Variants in GIPC3 observed in about 807,000 individuals in gnomAD.
GIPC3 encodes the protein GIPC PDZ domain containing family member 3.
GIPC3 carries 16 observed loss-of-function variants against 27.3 expected under a neutral mutation model. The observed-to-expected ratio is 0.59, with a 90% CI of 0.40 to 0.89. GIPC3 has a LOEUF of 0.89. GIPC3 is among the 40% of genes least tolerant of loss of function. The pLI is 0.00. For missense variants in GIPC3, 440 were observed against 442.1 expected (o/e 1.00, Z 0.04); for synonymous variants, 194 against 184.6 (o/e 1.05, Z -0.41).
Position 3,585,565 on chromosome 19 carries a change from A to G in GIPC3, c.-33A>G. The G allele has an allele frequency of 7.0e-6, 8 of 1,142,592 alleles. No individual in the cohort carries two copies. The highest frequency in any genetic ancestry group is 8.6e-6 in the Non-Finnish European group (8 of 931,224). The allele number at this position is 1,142,592 out of a possible 1,614,324, so 70.8% of individuals were successfully genotyped here. On this transcript the variant is annotated 5_prime_UTR_variant, in exon 1 of 6. Transcript: ENST00000644452. ...AGCGGCGGATCCGGCGGCGGCGGCG[A>G]GGGCCCGGGTGGGTGGCCGAACTTC...
In GIPC3 at chr19:3,585,805, G is replaced by C. The variant is rs749231443; in HGVS notation, c.208G>C (p.Gly70Arg). ...ELYAKIAEAF[G>R]IAPTEILFCT... ...GTACGCCAAGATCGCCGAAGCCTTC[G>C]GGATCGCGCCCACCGAGGTAAGGAG... The change falls in exon 1 of 6, where the codon GGG becomes CGG. Residue 70 changes from glycine (G) to arginine (R), a missense_variant. Gly to Arg is a moderately radical substitution (Grantham distance 125). Coordinates refer to ENST00000644452, the MANE Select transcript of GIPC3 (RefSeq NM_133261.3). 6.5e-7 allele frequency: 1 copy of C among 1,546,334 alleles called. No individual in the cohort carries two copies. The highest frequency in any genetic ancestry group is 1.2e-5 in the South Asian group (1 of 83,970).
In GIPC3 at chr19:3,590,919, T is replaced by C. The variant is rs1771705804; in HGVS notation, c.*729T>C. The C allele has an allele frequency of 4.1e-6, 5 of 1,231,896 alleles. No homozygotes were observed. The African/African-American group carries it at 6.3e-5, about 16-fold the overall frequency. The allele number at this position is 1,231,896 out of a possible 1,614,324, so 76.3% of individuals were successfully genotyped here. On this transcript the variant is annotated 3_prime_UTR_variant, in exon 6 of 6. Coordinates refer to ENST00000644452, the MANE Select transcript of GIPC3 (RefSeq NM_133261.3). Reference sequence around the variant, plus strand: ...GATGAGCTCTGAGACCATGCCCAGCTCTAGAACTCAGATGAGCTCTGAGAC... The same window carrying C: ...GATGAGCTCTGAGACCATGCCCAGCCCTAGAACTCAGATGAGCTCTGAGAC...
Position 3,590,976 on chromosome 19 carries a change from A to T in GIPC3, c.*786A>T. On this transcript the variant is annotated 3_prime_UTR_variant, in exon 6 of 6. Transcript: ENST00000644452. ...CAGTATTGAGACCAAGCCCTGTTCT[A>T]GAGTCCAGGCCAGCTCCGAGACCAA... 1 of 1,233,498 alleles carries T rather than the reference A, an allele frequency of 8.1e-7. No homozygotes were observed. Among genetic ancestry groups the T allele is most frequent in the Non-Finnish European group, 1.0e-6 (1 of 989,138 alleles). 76.4% of individuals were successfully genotyped at this position (1,233,498 alleles called of 1,614,324 possible). A position where few individuals can be genotyped will look rare whatever the true frequency, so the allele number is the denominator to read the frequency against.
rs1254970207 is a variant in GIPC3, at chr19:3,585,800, C to G, written c.203C>G (p.Ala68Gly). ...GAGCTGTACGCCAAGATCGCCGAAGCCTTCGGGATCGCGCCCACCGAGGTA... is the reference window on the plus strand; with the variant it reads ...GAGCTGTACGCCAAGATCGCCGAAGGCTTCGGGATCGCGCCCACCGAGGTA... ...VRELYAKIAE[A>G]FGIAPTEILF... The change falls in exon 1 of 6, where the codon GCC becomes GGC. Residue 68 changes from alanine to glycine, a missense_variant. By Grantham distance (60) the Ala-to-Gly change is moderately conservative. Transcript: ENST00000644452. 6.5e-7 allele frequency: 1 copy of G among 1,546,738 alleles called. No individual in the cohort carries two copies.
Position 3,591,451 on chromosome 19 carries a change from TG to T in GIPC3, c.*1263del. ...AAAACTCAAGCTGACTCTGGAACTC[TG>T]GACAGCTCCACGATGCAGCCACACC... is the stretch of plus-strand genomic sequence containing the variant. On this transcript the variant is annotated 3_prime_UTR_variant, in exon 6 of 6. Transcript: ENST00000644452. 1 of 1,232,370 alleles carries T rather than the reference TG, an allele frequency of 8.1e-7. No homozygotes were observed. The highest frequency in any genetic ancestry group is 1.0e-6 in the Non-Finnish European group (1 of 988,236). The allele number at this position is 1,232,370 out of a possible 1,614,324, so 76.3% of individuals were successfully genotyped here.
In GIPC3 at chr19:3,590,363, T is replaced by TGAGGCCAAGCTATGTGCTAGAGCC; in HGVS notation, c.*174_*197dup. The TGAGGCCAAGCTATGTGCTAGAGCC allele has an allele frequency of 6.9e-7, 1 of 1,439,110 alleles. No homozygotes were observed. The highest frequency in any genetic ancestry group is 2.5e-5 in the East Asian group (1 of 40,018). 89.1% of individuals were successfully genotyped at this position (1,439,110 alleles called of 1,614,324 possible). The stretch of plus-strand genomic sequence containing the variant: ...CCTTCTCTAGAATCCAGCCCAGATC[T>TGAGGCCAAGCTATGTGCTAGAGCC]GAGGCCAAGCTATGTGCTAGAGCCC... On this transcript the variant is annotated 3_prime_UTR_variant, in exon 6 of 6. Coordinates refer to ENST00000644452, the MANE Select transcript of GIPC3 (RefSeq NM_133261.3).
Position 3,590,267 on chromosome 19 carries a change from C to T in GIPC3, c.*77C>T. On this transcript the variant is annotated 3_prime_UTR_variant, in exon 6 of 6. Coordinates refer to ENST00000644452, the MANE Select transcript of GIPC3 (RefSeq NM_133261.3). ...CCCGGCCCTGCTCCAGAACCCAGCC[C>T]AGATCGGAGGACAAGTTCCTCTCTA... 3 of 1,519,814 alleles carry T rather than the reference C, an allele frequency of 2.0e-6. No homozygotes were observed. 94.1% of individuals were successfully genotyped at this position (1,519,814 alleles called of 1,614,324 possible).
In GIPC3 at chr19:3,592,042, C is replaced by T. The variant is rs2032494835; in HGVS notation, c.*1852C>T. The T allele has an allele frequency of 8.1e-7, 1 of 1,232,150 alleles. No individual in the cohort carries two copies. The highest frequency in any genetic ancestry group is 1.5e-5 in the African/African-American group (1 of 64,528). The allele number at this position is 1,232,150 out of a possible 1,614,324, so 76.3% of individuals were successfully genotyped here. A position where few individuals can be genotyped will look rare whatever the true frequency, so the allele number is the denominator to read the frequency against. ...TCTGAAATCCCAGCCAGCTCCAAAA[C>T]ACAGACAGCAGCTGAGACCCAGCCA... On this transcript the variant is annotated 3_prime_UTR_variant, in exon 6 of 6. Transcript: ENST00000644452.
At position 3,591,213 on chromosome 19, in the gene GIPC3, G is replaced by A. The variant is rs1456166266; in HGVS notation, c.*1023G>A. On this transcript the variant is annotated 3_prime_UTR_variant, in exon 6 of 6. Transcript: ENST00000644452. Reference sequence around the variant, plus strand: ...TTCTAGAACTCAGGCCACCTCTGAGGCCAAACCCAGCTCTAGAACCCAGAT... The same window carrying A: ...TTCTAGAACTCAGGCCACCTCTGAGACCAAACCCAGCTCTAGAACCCAGAT... 2 of 1,230,076 alleles carry A rather than the reference G, an allele frequency of 1.6e-6. No homozygotes were observed. Among genetic ancestry groups the A allele is most frequent in the Non-Finnish European group, 2.0e-6 (2 of 987,644 alleles). The allele number at this position is 1,230,076 out of a possible 1,614,324, so 76.2% of individuals were successfully genotyped here.
At position 3,591,640 on chromosome 19, in the gene GIPC3, C is replaced by T. The variant is rs553364015; in HGVS notation, c.*1450C>T. 3.6e-5 allele frequency: 44 copies of T among 1,233,954 alleles called. No individual in the cohort carries two copies. Among genetic ancestry groups the T allele is most frequent in the East Asian group, 1.3e-4 (4 of 31,760 alleles). 76.4% of individuals were successfully genotyped at this position (1,233,954 alleles called of 1,614,324 possible). On this transcript the variant is annotated 3_prime_UTR_variant, in exon 6 of 6. Coordinates refer to ENST00000644452, the MANE Select transcript of GIPC3 (RefSeq NM_133261.3). ...ACCAGCTCAGAAACCCAGGTCCACACGGCTGCCCAGTCCAGATCCCAACCC... is the reference window on the plus strand; with the variant it reads ...ACCAGCTCAGAAACCCAGGTCCACATGGCTGCCCAGTCCAGATCCCAACCC...
At chr19:3,587,047 C>T in intron 3 of GIPC3, 53 bp downstream of exon 3, 1 of 1,546,842 alleles carries the variant, frequency 6.5e-7, no homozygotes, top group Non-Finnish European at 8.8e-7. Context: ...CTACGGATGC[C>T]TGGGGTGGAG....
In GIPC3 at chr19:3,591,904, T is replaced by G; in HGVS notation, c.*1714T>G. ...ATGCAGCTCAGCTCTAGAATGCAGT[T>G]TACTTCCAGGACCCAGACCAATTTC... On this transcript the variant is annotated 3_prime_UTR_variant, in exon 6 of 6. Coordinates refer to ENST00000644452, the MANE Select transcript of GIPC3 (RefSeq NM_133261.3). The G allele has an allele frequency of 8.1e-7, 1 of 1,232,136 alleles. No homozygotes were observed. Among genetic ancestry groups the G allele is most frequent in the East Asian group, 3.2e-5 (1 of 31,668 alleles). The allele number at this position is 1,232,136 out of a possible 1,614,324, so 76.3% of individuals were successfully genotyped here.
In GIPC3 at chr19:3,585,803, T is replaced by C; in HGVS notation, c.206T>C (p.Phe69Ser). ...RELYAKIAEAFGIAPTEILFC... is the reference protein window; with the variant it reads ...RELYAKIAEASGIAPTEILFC... ...CTGTACGCCAAGATCGCCGAAGCCTTCGGGATCGCGCCCACCGAGGTAAGG... is the reference window on the plus strand; with the variant it reads ...CTGTACGCCAAGATCGCCGAAGCCTCCGGGATCGCGCCCACCGAGGTAAGG... Residue 69 changes from phenylalanine to serine, a missense_variant, in exon 1 of 6, where the codon TTC (phenylalanine) becomes TCC (serine). Phe to Ser is a radical substitution (Grantham distance 155). Coordinates refer to ENST00000644452, the MANE Select transcript of GIPC3 (RefSeq NM_133261.3). 6.5e-7 allele frequency: 1 copy of C among 1,545,522 alleles called. No individual in the cohort carries two copies.
Position 3,593,006 on chromosome 19 carries a change from A to T in GIPC3, c.*2816A>T. On this transcript the variant is annotated 3_prime_UTR_variant, in exon 6 of 6. Transcript: ENST00000644452. ...CTCTGCCTCAGCCCCATGATCAGGT[A>T]TGTGGCATCCAGGCCAGCCTTGGCC... 1 of 1,199,440 alleles carries T rather than the reference A, an allele frequency of 8.3e-7. No homozygotes were observed. The highest frequency in any genetic ancestry group is 3.4e-5 in the East Asian group (1 of 29,320). The allele number at this position is 1,199,440 out of a possible 1,614,324, so 74.3% of individuals were successfully genotyped here.
In GIPC3 at chr19:3,593,496, G is replaced by A. The variant is rs1458027345; in HGVS notation, c.*3306G>A. On this transcript the variant is annotated 3_prime_UTR_variant, in exon 6 of 6. Transcript: ENST00000644452. ...GGGCAGGAGACGGGTTGCACCGCATGTACCCTGAGGGCTCATGGTGAATAA... is the reference window on the plus strand; with the variant it reads ...GGGCAGGAGACGGGTTGCACCGCATATACCCTGAGGGCTCATGGTGAATAA... 7 of 409,806 alleles carry A rather than the reference G, an allele frequency of 1.7e-5. No homozygotes were observed. In the East Asian group the frequency reaches 2.5e-4, roughly 15 times the overall value. The allele number at this position is 409,806 out of a possible 1,614,324, so 25.4% of individuals were successfully genotyped here.
At chr19:3,589,187 G>C (rs1221491602) in intron 3 of GIPC3, among the ~76,000 whole-genome samples, 3 of 152,206 alleles carry the variant, frequency 2.0e-5, no homozygotes, top group Non-Finnish European at 4.4e-5. Flanking sequence ...AGAAGAGGGA[G>C]AGTGAGGGCA....
chr19:3,587,911 G>A (rs907999760), intron 3 of GIPC3, among the ~76,000 whole-genome samples: 1 of 151,350 alleles, frequency 6.6e-6, no homozygotes, highest in Non-Finnish European at 1.5e-5. Context: ...GGACGGTCTC[G>A]ATCTCCTGAC....
chr19:3,593,499 C>T lies in GIPC3; in HGVS notation c.*3309C>T. 2.4e-6 allele frequency: 1 copy of T among 408,950 alleles called. No individual in the cohort carries two copies. Among genetic ancestry groups the T allele is most frequent in the East Asian group, 3.6e-5 (1 of 27,976 alleles). 25.3% of individuals were successfully genotyped at this position (408,950 alleles called of 1,614,324 possible). ...CAGGAGACGGGTTGCACCGCATGTA[C>T]CCTGAGGGCTCATGGTGAATAAAGG... On this transcript the variant is annotated 3_prime_UTR_variant, in exon 6 of 6. Coordinates refer to ENST00000644452, the MANE Select transcript of GIPC3 (RefSeq NM_133261.3).
In GIPC3 at chr19:3,590,512, C is replaced by G; in HGVS notation, c.*322C>G. ...TTTGAGACCATGCCCAGCACTGAGA[C>G]CAAGCCCTGTTCTAGAACTCAGGCC... On this transcript the variant is annotated 3_prime_UTR_variant, in exon 6 of 6. Transcript: ENST00000644452. The G allele has an allele frequency of 3.6e-6, 5 of 1,399,200 alleles. No individual in the cohort carries two copies. Among genetic ancestry groups the G allele is most frequent in the Non-Finnish European group, 4.6e-6 (5 of 1,082,174 alleles). 86.7% of individuals were successfully genotyped at this position (1,399,200 alleles called of 1,614,324 possible).
Sources: gnomAD v4.1 joint callset for allele counts (sites outside exome capture counted in the v4.1 genomes callset) on GRCh38, gnomAD v4.1.1 for gene constraint, MANE v1.5 for transcripts, NCBI Gene and HGNC (gene_info 2026-07-23, HGNC 2026-07-21) for gene names.